The following REDIC1 variants were observed in gnomAD, a reference collection of about 807,000 sequenced individuals.
REDIC1 encodes HEI10 Interacting Protein 1.
chr12:39,725,000 C>T, the REDIC1 span, among the ~76,000 whole-genome samples: 1 of 151,988 alleles, frequency 6.6e-6, no homozygotes, highest in African/African-American at 2.4e-5. Context: ...ATATAATCCA[C>T]AGATTCATGA....
At chr12:39,667,828 C>G in the REDIC1 span, among the ~76,000 whole-genome samples, 9 of 152,202 alleles carry the variant, frequency 5.9e-5, no homozygotes, top group Non-Finnish European at 1.3e-4. Flanking sequence ...TAATGGCCTT[C>G]TTTGTCTCTT....
At chr12:39,834,887 C>G in the REDIC1 span, among the ~76,000 whole-genome samples, 1 of 152,056 alleles carries the variant, frequency 6.6e-6, no homozygotes, top group Admixed American at 6.6e-5. Flanking sequence ...CCTGGGGAAT[C>G]TGCTAATTGA....
the REDIC1 span, among the ~76,000 whole-genome samples, chr12:39,891,974 G>A: frequency 4.6e-5 from 7 of 151,898 alleles, no homozygotes; most frequent in Admixed American, 2.0e-4. Flanking sequence ...TTATCTGAAC[G>A]ATTTTTTTAC....
At chr12:39,682,515 G>A in the REDIC1 span, 1 of 768,788 alleles carries the variant, frequency 1.3e-6, no homozygotes. Context: ...AATGTTAGTA[G>A]CAACTCAATA....
At chr12:39,837,781 C>G in the REDIC1 span, among the ~76,000 whole-genome samples, 1 of 152,166 alleles carries the variant, frequency 6.6e-6, no homozygotes, top group African/African-American at 2.4e-5. Context: ...CAAATCAAAA[C>G]CACTCTGAGA....
At chr12:39,772,130 A>C in the REDIC1 span, among the ~76,000 whole-genome samples, 1 of 152,006 alleles carries the variant, frequency 6.6e-6, no homozygotes, top group Non-Finnish European at 1.5e-5. Flanking sequence ...ATATTAATAT[A>C]CTCCTTCTTC....
chr12:39,714,363 ATG>A, the REDIC1 span, among the ~76,000 whole-genome samples: 1 of 141,202 alleles, frequency 7.1e-6, no homozygotes, highest in African/African-American at 2.6e-5. Context: ...ATGTGTATAT[ATG>A]TGCTTCCATG....
At chr12:39,896,120 A>G in the REDIC1 span, among the ~76,000 whole-genome samples, 465 of 148,312 alleles carry the variant, frequency 3.1e-3, 4 homozygotes, top group Non-Finnish European at 5.3e-3. Flanking sequence ...ATGAATGCAT[A>G]CATATATGTA....
At chr12:39,711,463 A>G in the REDIC1 span, among the ~76,000 whole-genome samples, 1 of 144,956 alleles carries the variant, frequency 6.9e-6, no homozygotes, top group African/African-American at 2.5e-5. Context: ...ACACATATAC[A>G]CATACATATA....
At chr12:39,834,588 C>T in the REDIC1 span, among the ~76,000 whole-genome samples, 5 of 152,038 alleles carry the variant, frequency 3.3e-5, no homozygotes, top group African/African-American at 1.2e-4. Context: ...TACTGCCCCT[C>T]CATACCATTT....
chr12:39,672,221 G>A, the REDIC1 span, among the ~76,000 whole-genome samples: 2 of 152,154 alleles, frequency 1.3e-5, no homozygotes, highest in Admixed American at 6.5e-5. Flanking sequence ...GCAGGGGTGT[G>A]TGGAAGGGAT....
chr12:39,665,393 C>T, the REDIC1 span, among the ~76,000 whole-genome samples: 1 of 151,678 alleles, frequency 6.6e-6, no homozygotes, highest in Non-Finnish European at 1.5e-5. Flanking sequence ...AGATGTGTGG[C>T]ATTATTTCTG....
At chr12:39,702,925 G>C in the REDIC1 span, among the ~76,000 whole-genome samples, 1 of 152,128 alleles carries the variant, frequency 6.6e-6, no homozygotes, top group Non-Finnish European at 1.5e-5. Context: ...GTATTGATGG[G>C]ATGTATTTCA....
chr12:39,742,771 A>G, the REDIC1 span, among the ~76,000 whole-genome samples: 3 of 152,214 alleles, frequency 2.0e-5, no homozygotes, highest in African/African-American at 7.2e-5. Context: ...GTCCTCACAA[A>G]CTGAAAATCA....
At chr12:39,789,539 G>A in the REDIC1 span, among the ~76,000 whole-genome samples, 1 of 152,062 alleles carries the variant, frequency 6.6e-6, no homozygotes, top group African/African-American at 2.4e-5. Context: ...GTGTGCAAGG[G>A]TTTCTCTAAT....
the REDIC1 span, among the ~76,000 whole-genome samples, chr12:39,711,635 A>ATACACATGCATGTG: frequency 7.5e-5 from 1 of 13,254 alleles, no homozygotes; most frequent in African/African-American, 1.1e-4. Flanking sequence ...ACGTATGTGT[A>ATACACATGCATGTG]TATGTGTATA....
the REDIC1 span, among the ~76,000 whole-genome samples, chr12:39,659,041 C>A: frequency 1.3e-5 from 2 of 151,836 alleles, no homozygotes; most frequent in African/African-American, 4.8e-5. Flanking sequence ...GTGTCATTTT[C>A]TGTTTGAAAG....
chr12:39,735,252 G>C, the REDIC1 span, among the ~76,000 whole-genome samples: 1 of 152,208 alleles, frequency 6.6e-6, no homozygotes, highest in Middle Eastern at 3.2e-3. Context: ...GAGATTCTTA[G>C]TGTAACTATA....
chr12:39,699,819 C>CAACTGGGAGG, the REDIC1 span, among the ~76,000 whole-genome samples: 2 of 152,166 alleles, frequency 1.3e-5, no homozygotes, highest in Non-Finnish European at 2.9e-5. Flanking sequence ...GGAGGCACCC[C>CAACTGGGAGG]CAAGCAGTGG....
Sources: allele counts gnomAD v4.1 joint callset (sites outside exome capture counted in the v4.1 genomes callset), GRCh38; gene constraint gnomAD v4.1.1; transcripts MANE v1.5; gene names NCBI Gene and HGNC (gene_info 2026-07-23, HGNC 2026-07-21).